CACNA1A: variants seen among roughly 807,000 people sequenced by gnomAD.
CACNA1A encodes the protein voltage-dependent P/Q-type calcium channel subunit alpha-1A.
A neutral mutation model predicts 262.4 loss-of-function variants in CACNA1A; 57 were observed. The ratio of observed to expected loss-of-function variants is 0.22; its 90% confidence interval spans 0.18 to 0.27. The LOEUF (loss-of-function observed/expected upper bound fraction) is 0.27, where lower values mean the gene tolerates loss of function less well. Ranked by LOEUF, CACNA1A falls within the 10% of genes least tolerant of loss-of-function variation. The probability of loss-of-function intolerance (pLI) is 1.00; values close to 1 mark genes in which losing one functional copy is unlikely to be tolerated. For synonymous variants in CACNA1A, 1,431 were observed against 1,419.3 expected, an observed-to-expected ratio of 1.01 and a Z score of -0.18; for missense variants, 2,526 against 3,562.8, an observed-to-expected ratio of 0.71 and a Z score of 7.41.
intron 6 of CACNA1A, among the ~76,000 whole-genome samples, chr19:13,346,651 TATATATATATATATA>T (rs1355599015): frequency 0.012 from 72 of 6,032 alleles, no homozygotes; most frequent in East Asian, 0.024. Flanking sequence ...TATATATATA[TATATATATATATATA>T]TTTTTTTTTT....
chr19:13,387,311 G>A (rs1252410391), intron 3 of CACNA1A, among the ~76,000 whole-genome samples: 1 of 152,098 alleles, frequency 6.6e-6, no homozygotes, highest in African/African-American at 2.4e-5. Context: ...CTGATTAAAG[G>A]AGCCAATATT....
chr19:13,481,009 G>T (rs1979231301), intron 1 of CACNA1A, among the ~76,000 whole-genome samples: 2 of 152,116 alleles, frequency 1.3e-5, no homozygotes, highest in Non-Finnish European at 2.9e-5. Context: ...TGCTTGAGGG[G>T]TGCAAGACCT....
At chr19:13,260,301 C>CATATAT (rs1214238982) in intron 26 of CACNA1A, 1 of 125,228 alleles carries the variant, frequency 8.0e-6, no homozygotes, top group African/African-American at 2.9e-5. Flanking sequence ...TGTGCGTGTA[C>CATATAT]ATATATATAT....
chr19:13,376,477 C>T (rs1451245378), intron 3 of CACNA1A, among the ~76,000 whole-genome samples: 2 of 151,588 alleles, frequency 1.3e-5, no homozygotes, highest in African/African-American at 4.9e-5. Context: ...GAATGACAGC[C>T]CGTCTGTTTA....
At chr19:13,263,709 T>A (rs1247793010) in intron 24 of CACNA1A, among the ~76,000 whole-genome samples, 2 of 151,964 alleles carry the variant, frequency 1.3e-5, no homozygotes, top group African/African-American at 2.4e-5. Flanking sequence ...TTAGTAGAGA[T>A]GGGGCTTCAC....
intron 1 of CACNA1A, among the ~76,000 whole-genome samples, chr19:13,456,534 C>T (rs1163724663): frequency 6.6e-6 from 1 of 151,976 alleles, no homozygotes; most frequent in Non-Finnish European, 1.5e-5. Flanking sequence ...ATTAGCCGGG[C>T]GTGGTAGCGG....
intron 17 of CACNA1A, among the ~76,000 whole-genome samples, chr19:13,302,211 A>C (rs976357484): frequency 6.6e-6 from 1 of 151,176 alleles, no homozygotes; most frequent in African/African-American, 2.4e-5. Context: ...TAAAATTCCA[A>C]CTCTCCCTGA....
intron 30 of CACNA1A, among the ~76,000 whole-genome samples, chr19:13,246,434 A>G (rs144743664): frequency 2.6e-5 from 4 of 151,968 alleles, no homozygotes; most frequent in Admixed American, 6.6e-5. Flanking sequence ...AATGGCAGCT[A>G]CTCTGTGAGC....
intron 1 of CACNA1A, among the ~76,000 whole-genome samples, chr19:13,478,175 G>A (rs893227868): frequency 1.1e-4 from 16 of 152,182 alleles, no homozygotes; most frequent in African/African-American, 3.6e-4. Flanking sequence ...AATGCCACCC[G>A]CCCCCACAAA....
chr19:13,371,632 T>A (rs1431392543), intron 4 of CACNA1A, 56 bp downstream of exon 4: 3 of 1,302,228 alleles, frequency 2.3e-6, no homozygotes, highest in Admixed American at 4.0e-5. Flanking sequence ...TAGGGGAAAC[T>A]GAGGGCTCCT....
chr19:13,490,716 AG>A (rs1246107818), intron 1 of CACNA1A, among the ~76,000 whole-genome samples: 1 of 143,924 alleles, frequency 6.9e-6, no homozygotes, highest in East Asian at 2.2e-4. Flanking sequence ...AAAGAAAGAA[AG>A]AAAGAAAGAA....
At chr19:13,360,359 A>G (rs950614023) in intron 5 of CACNA1A, among the ~76,000 whole-genome samples, 2 of 151,690 alleles carry the variant, frequency 1.3e-5, no homozygotes, top group Non-Finnish European at 2.9e-5. Flanking sequence ...ATAAAACAAT[A>G]TAATGATTCA....
At chr19:13,224,012 A>G (rs1171663520) in intron 38 of CACNA1A, among the ~76,000 whole-genome samples, 1 of 151,926 alleles carries the variant, frequency 6.6e-6, no homozygotes, top group Non-Finnish European at 1.5e-5. Flanking sequence ...TAAAAAATAT[A>G]AAAAATTAGG....
intron 17 of CACNA1A, among the ~76,000 whole-genome samples, chr19:13,302,729 C>T (rs1339449848): frequency 1.3e-5 from 2 of 152,226 alleles, no homozygotes; most frequent in Non-Finnish European, 2.9e-5. Flanking sequence ...CCACAGTGGC[C>T]AGGCTTGTGG....
chr19:13,465,298 C>A (rs1420258632), intron 1 of CACNA1A, among the ~76,000 whole-genome samples: 1 of 152,132 alleles, frequency 6.6e-6, no homozygotes. Context: ...GAACAGACCT[C>A]TCAAATCTGA....
rs1300938685 is a variant in CACNA1A at position 13,207,276 on chromosome 19, TGCGTGGGGG to T, written c.*28_*36del. The T allele has an allele frequency of 7.9e-6, 12 of 1,514,502 alleles. No individual in the cohort carries two copies. The highest frequency in any genetic ancestry group is 4.3e-5 in the African/African-American group (3 of 70,018). The allele number at this position is 1,514,502 out of a possible 1,614,324, so 93.8% of individuals were successfully genotyped here. On this transcript the variant is annotated 3_prime_UTR_variant, in exon 47 of 47. Transcript: ENST00000360228. The surrounding 1 kb of genome is among the most constrained non-coding windows in gnomAD (Gnocchi z 5.7). ...CCTCGGGTGGGGTGTGTGCGTGGGG[TGCGTGGGGG>T]GCCGGGCGGGCGCCACCTCGCCCGG...
chr19:13,297,745 AG>A (rs1271489875), intron 19 of CACNA1A, among the ~76,000 whole-genome samples: 1 of 151,960 alleles, frequency 6.6e-6, no homozygotes, highest in Non-Finnish European at 1.5e-5. Context: ...CCCGGGAGGT[AG>A]AGGCTGCACT....
intron 22 of CACNA1A, among the ~76,000 whole-genome samples, chr19:13,279,234 A>G (rs146316154): frequency 5.0e-4 from 76 of 152,346 alleles, no homozygotes; most frequent in Non-Finnish European, 7.9e-4. Flanking sequence ...CCAATAAATT[A>G]GGTTCAAGTA....
intron 3 of CACNA1A, chr19:13,450,571 G>A (rs1388478100): frequency 1.3e-5 from 2 of 152,098 alleles, no homozygotes; most frequent in Non-Finnish European, 2.9e-5. Flanking sequence ...TGAGGACAGG[G>A]GATTTTTCTA....
Sources: gnomAD v4.1 joint callset for allele counts (sites outside exome capture counted in the v4.1 genomes callset) on GRCh38, gnomAD v4.1.1 for gene constraint, Gnocchi (gnomAD v3.1) non-coding constraint, MANE v1.5 for transcripts, NCBI Gene and HGNC (gene_info 2026-07-23, HGNC 2026-07-21) for gene names.